The following ROS1 variants were observed in gnomAD, a reference collection of about 807,000 sequenced individuals.
The protein encoded by ROS1 is ROS proto-oncogene 1, receptor tyrosine kinase.
ROS1 carries 263 observed loss-of-function variants against 273.5 expected under a neutral mutation model. The ratio of observed to expected loss-of-function variants is 0.96; its 90% CI spans 0.87 to 1.06. ROS1 has a LOEUF of 1.06. ROS1 is among the 50% of genes least tolerant of loss of function. ROS1 has a pLI of 0.00. For missense variants in ROS1, 2,833 were observed against 2,751.1 expected, an observed-to-expected ratio of 1.03 and a Z score of -0.67; for synonymous variants, 1,008 against 954.1, an observed-to-expected ratio of 1.06 and a Z score of -1.04.
At chr6:117,359,776 CCTTT>C (rs1779628688) in intron 24 of ROS1, 29 bp downstream of exon 24, 1 of 1,569,804 alleles carries the variant, frequency 6.4e-7, no homozygotes, top group South Asian at 1.1e-5. Context: ...TACTTCACTT[CCTTT>C]ATTTCGGAAG....
At chr6:117,317,842 T>G (rs866286830) in intron 38 of ROS1, among the ~76,000 whole-genome samples, 1 of 152,160 alleles carries the variant, frequency 6.6e-6, no homozygotes, top group Admixed American at 6.6e-5. Context: ...ACTGACATTA[T>G]AGCATTTGAG....
At chr6:117,424,876 C>T (rs902870694) in intron 1 of ROS1, among the ~76,000 whole-genome samples, 2 of 152,068 alleles carry the variant, frequency 1.3e-5, no homozygotes, top group Non-Finnish European at 2.9e-5. Context: ...AGTGCATTTT[C>T]TCTGTCTATA....
In ROS1 at chr6:117,356,064, C is replaced by T. The variant is rs58412073; in HGVS notation, c.4126+565G>A. On this transcript the variant is annotated intron_variant, in intron 26 of 43. Transcript: ENST00000368507. The stretch of plus-strand genomic sequence containing the variant: ...AATTAGGAGACTTCCAAATTGTACT[C>T]GACTTTCGAATATTTATTCTACAAG... Among the ~76,000 whole-genome samples, 1,185 of 152,224 alleles carry T rather than the reference C, an allele frequency of 7.8e-3. 15 individuals carry two copies. The highest frequency in any genetic ancestry group is 0.027 in the African/African-American group (1,112 of 41,520).
At chr6:117,308,395 T>A (rs1775272836) in intron 42 of ROS1, among the ~76,000 whole-genome samples, 1 of 152,104 alleles carries the variant, frequency 6.6e-6, no homozygotes. Flanking sequence ...TATATTCCCA[T>A]TTAGTATAAT....
intron 5 of ROS1, among the ~76,000 whole-genome samples, chr6:117,406,605 G>A (rs1774424215): frequency 6.6e-6 from 1 of 152,168 alleles, no homozygotes; most frequent in African/African-American, 2.4e-5. Flanking sequence ...ATAAAGGAAT[G>A]TAAATAAAAG....
rs1562302483 is a variant in ROS1, at chr6:117,351,523, C to CTGA, written c.4303+1466_4303+1467insTCA. On this transcript the variant is annotated intron_variant, in intron 27 of 43. Coordinates refer to ENST00000368507, the MANE Select transcript of ROS1 (RefSeq NM_001378902.1). ...AGCCCTCCTATGACAGGATGCCCCT[C>CTGA]GAGTTTCTAACTCTCAGAGTTACCC... is the stretch of plus-strand genomic sequence containing the variant. Among the ~76,000 whole-genome samples the CTGA allele has an allele frequency of 7.5e-4, 114 of 152,234 alleles. 1 individual carries two copies. Among genetic ancestry groups the CTGA allele is most frequent in the African/African-American group, 2.7e-3 (111 of 41,536 alleles).
At chr6:117,381,485 A>T (rs190154887) in intron 17 of ROS1, among the ~76,000 whole-genome samples, 4 of 152,066 alleles carry the variant, frequency 2.6e-5, no homozygotes, top group African/African-American at 9.6e-5. Flanking sequence ...GTGAGAACAT[A>T]TAGTATTTGG....
chr6:117,399,485 G>A (rs1298405563), intron 7 of ROS1, among the ~76,000 whole-genome samples: 1 of 152,186 alleles, frequency 6.6e-6, no homozygotes, highest in Non-Finnish European at 1.5e-5. Flanking sequence ...AGGGAAGGGG[G>A]AAAATGCCCC....
At chr6:117,396,080 A>G in intron 9 of ROS1, 108 bp downstream of exon 9, 1 of 613,376 alleles carries the variant, frequency 1.6e-6, no homozygotes, top group Middle Eastern at 2.7e-4. Context: ...TCATTTGGGC[A>G]GAAGAGGTGG....
At chr6:117,351,073 G>A (rs1381394809) in intron 27 of ROS1, among the ~76,000 whole-genome samples, 1 of 152,146 alleles carries the variant, frequency 6.6e-6, no homozygotes, top group African/African-American at 2.4e-5. Context: ...TGAATATGCT[G>A]TACTGGGTGA....
intron 33 of ROS1, among the ~76,000 whole-genome samples, chr6:117,329,058 C>A (rs1043502403): frequency 6.6e-6 from 1 of 152,186 alleles, no homozygotes; most frequent in African/African-American, 2.4e-5. Context: ...TAAGTTAATA[C>A]TGGTTGCATG....
intron 37 of ROS1, among the ~76,000 whole-genome samples, chr6:117,319,260 C>G (rs372404059): frequency 2.6e-5 from 4 of 152,154 alleles, no homozygotes; most frequent in Admixed American, 1.3e-4. Context: ...TGACAAACTA[C>G]AGCCTGTGGG....
chr6:117,301,205 G>T (rs1774698370), intron 42 of ROS1, 68 bp from the exon 43 acceptor site: 4 of 1,332,700 alleles, frequency 3.0e-6, no homozygotes, highest in South Asian at 1.5e-5. Flanking sequence ...CCCAGGTAGG[G>T]TCATTTTAGA....
chr6:117,409,780 G>C (rs965356230), intron 4 of ROS1, 138 bp from the exon 5 acceptor site: 1 of 687,866 alleles, frequency 1.5e-6, no homozygotes, highest in Non-Finnish European at 2.6e-6. Context: ...CTTTGAAATC[G>C]GAGTGCCTAA....
chr6:117,354,906 G>GTC (rs1779176069), intron 26 of ROS1, among the ~76,000 whole-genome samples: 9 of 152,206 alleles, frequency 5.9e-5, no homozygotes, highest in African/African-American at 2.4e-5. Context: ...CCAAGAAACT[G>GTC]AGTGAGGAAG....
intron 2 of ROS1, among the ~76,000 whole-genome samples, chr6:117,417,825 T>C (rs1439381840): frequency 6.6e-6 from 1 of 152,224 alleles, no homozygotes; most frequent in African/African-American, 2.4e-5. Context: ...TTCCTCTTTC[T>C]AGTTTTAGTT....
chr6:117,378,478 G>T (rs1045550494), intron 18 of ROS1, among the ~76,000 whole-genome samples: 1 of 152,154 alleles, frequency 6.6e-6, no homozygotes, highest in East Asian at 1.9e-4. Flanking sequence ...TGTGATGATG[G>T]ATATGTTCTG....
intron 18 of ROS1, among the ~76,000 whole-genome samples, chr6:117,370,728 T>A (rs1013751875): frequency 6.6e-6 from 1 of 151,920 alleles, no homozygotes. Flanking sequence ...TGTAAAAAAA[T>A]GCATATTTTA....
rs756032564 is a variant in ROS1, at chr6:117,403,260, G to T, written c.483C>A (p.Ser161=). The T allele has an allele frequency of 2.1e-5, 34 of 1,611,896 alleles. No individual in the cohort carries two copies. Among genetic ancestry groups the T allele is most frequent in the Non-Finnish European group, 2.9e-5 (34 of 1,179,558 alleles). ...WTYTKTVSRP[S]YVVKPLHPFT... is the part of the protein sequence containing the mutation. ...AGGGGTGCAGGGGCTTGACCACATAGGACGGTCTGGACACAGTCTAGATCA... is the reference window on the plus strand; with the variant it reads ...AGGGGTGCAGGGGCTTGACCACATATGACGGTCTGGACACAGTCTAGATCA... Residue 161 remains serine, a synonymous_variant, in exon 7 of 44, where the codon TCC becomes TCA. Transcript: ENST00000368507.
Sources: gnomAD v4.1 joint callset for allele counts (sites outside exome capture counted in the v4.1 genomes callset) on GRCh38, gnomAD v4.1.1 for gene constraint, MANE v1.5 for transcripts, NCBI Gene and HGNC (gene_info 2026-07-23, HGNC 2026-07-21) for gene names.